PREX2: variants seen among roughly 807,000 people sequenced by gnomAD.
PREX2 encodes phosphatidylinositol 3,4,5-trisphosphate-dependent Rac exchanger 2 protein.
PREX2 carries 107 observed loss-of-function variants against 203.2 expected under a neutral mutation model. That is an observed-to-expected ratio of 0.53 (90% CI 0.45 to 0.62). PREX2 has a LOEUF of 0.62. Ranked by LOEUF, PREX2 falls within the 20% of genes least tolerant of loss-of-function variation. The pLI, the probability that PREX2 is intolerant of heterozygous loss-of-function variation, is 0.00. For synonymous variants in PREX2, 672 were observed against 663.6 expected (o/e 1.01, Z -0.19); for missense variants, 1,777 against 1,955.9 (o/e 0.91, Z 1.72).
chr8:67,973,229 T>A (rs914870886), intron 1 of PREX2, among the ~76,000 whole-genome samples: 2 of 152,184 alleles, frequency 1.3e-5, no homozygotes, highest in Non-Finnish European at 2.9e-5. Flanking sequence ...AGATTAATCT[T>A]CCTAAAAGAA....
At chr8:68,010,589 C>T (rs184585702) in intron 1 of PREX2, among the ~76,000 whole-genome samples, 5 of 152,268 alleles carry the variant, frequency 3.3e-5, no homozygotes, top group African/African-American at 9.6e-5. Context: ...GCTTTCATTA[C>T]CTGCATGTAA....
chr8:68,099,984 A>G (rs754913566), intron 23 of PREX2, 141 bp downstream of exon 23: 50 of 854,560 alleles, frequency 5.9e-5, no homozygotes, highest in Non-Finnish European at 9.8e-5. Flanking sequence ...AACATTTTAG[A>G]GTTTTTGAAA....
chr8:68,116,438 G>T (rs891116360), intron 26 of PREX2, among the ~76,000 whole-genome samples: 1 of 151,972 alleles, frequency 6.6e-6, no homozygotes, highest in African/African-American at 2.4e-5. Flanking sequence ...AGTTTTGTAG[G>T]GCTGCTGTAA....
intron 23 of PREX2, chr8:68,100,334 T>C (rs547054050): frequency 2.6e-6 from 1 of 379,400 alleles, no homozygotes; most frequent in African/African-American, 2.1e-5. Flanking sequence ...TCCAGGAATA[T>C]AGCAGGGAAG....
chr8:68,151,501 A>T (rs1416405162), intron 34 of PREX2, among the ~76,000 whole-genome samples: 1 of 152,092 alleles, frequency 6.6e-6, no homozygotes, highest in Non-Finnish European at 1.5e-5. Context: ...GGCACATACA[A>T]ACCTCGACAG....
Position 68,070,336 on chromosome 8 carries a change from G to A in PREX2, c.1493+452G>A, listed in dbSNP as rs1264733230. Reference sequence around the variant, plus strand: ...ATCTTTTTTCCCAAGAAAAGATTTTGTACTTGGAAATTAAGAATTATTTTG... The same window carrying A: ...ATCTTTTTTCCCAAGAAAAGATTTTATACTTGGAAATTAAGAATTATTTTG... On this transcript the variant is annotated intron_variant, in intron 13 of 39. Coordinates refer to ENST00000288368, the MANE Select transcript of PREX2 (RefSeq NM_024870.4). Among the ~76,000 whole-genome samples, 3 of 151,506 alleles carry A rather than the reference G, an allele frequency of 2.0e-5. No homozygotes were observed. In the East Asian group the frequency reaches 5.8e-4, roughly 29 times the overall value.
At chr8:68,133,492 T>C (rs1811048877) in intron 31 of PREX2, among the ~76,000 whole-genome samples, 1 of 152,222 alleles carries the variant, frequency 6.6e-6, no homozygotes, top group South Asian at 2.1e-4. Context: ...TAGAACATAC[T>C]TATAGCTCAT....
intron 39 of PREX2, among the ~76,000 whole-genome samples, chr8:68,228,218 A>G (rs901659567): frequency 6.6e-6 from 1 of 152,156 alleles, no homozygotes; most frequent in Non-Finnish European, 1.5e-5. Flanking sequence ...CACTGGCTTT[A>G]TTCACAAAAT....
At chr8:68,156,394 C>G (rs376912136) in intron 34 of PREX2, among the ~76,000 whole-genome samples, 3 of 152,172 alleles carry the variant, frequency 2.0e-5, no homozygotes, top group Admixed American at 6.5e-5. Context: ...AGTTCTGCCT[C>G]TCATACATAT....
chr8:67,952,314 C>G lies in PREX2; in HGVS notation c.-81C>G. The G allele has an allele frequency of 8.1e-7, 1 of 1,234,110 alleles. No individual in the cohort carries two copies. Among genetic ancestry groups the G allele is most frequent in the South Asian group, 2.9e-5 (1 of 34,412 alleles). 76.4% of individuals were successfully genotyped at this position (1,234,110 alleles called of 1,614,324 possible). A position where few individuals can be genotyped will look rare whatever the true frequency, so the allele number is the denominator to read the frequency against. ...GGAGGCGGCAACTTTCCATTCTCGCCGCCGGGGGCCGGGCAGCAGCGGGCG... is the reference window on the plus strand; with the variant it reads ...GGAGGCGGCAACTTTCCATTCTCGCGGCCGGGGGCCGGGCAGCAGCGGGCG... On this transcript the variant is annotated 5_prime_UTR_variant, in exon 1 of 40. Transcript: ENST00000288368.
At chr8:68,198,608 C>T (rs192589910) in intron 37 of PREX2, among the ~76,000 whole-genome samples, 2 of 152,264 alleles carry the variant, frequency 1.3e-5, no homozygotes, top group East Asian at 1.9e-4. Flanking sequence ...ATACAGCAAA[C>T]GTTATAAAGC....
At chr8:68,012,976 G>T (rs1807308573) in intron 1 of PREX2, among the ~76,000 whole-genome samples, 5 of 152,186 alleles carry the variant, frequency 3.3e-5, no homozygotes, top group Admixed American at 3.3e-4. Flanking sequence ...ATTCCAAGTT[G>T]CTAATGAATA....
chr8:68,139,305 G>C (rs1194008448), intron 33 of PREX2, among the ~76,000 whole-genome samples: 1 of 152,134 alleles, frequency 6.6e-6, no homozygotes, highest in Non-Finnish European at 1.5e-5. Flanking sequence ...AAAAGGTTGA[G>C]GGAGTAATGG....
chr8:68,196,759 C>T (rs534748002), intron 37 of PREX2, among the ~76,000 whole-genome samples: 14 of 151,884 alleles, frequency 9.2e-5, no homozygotes, highest in Admixed American at 7.2e-4. Flanking sequence ...CTGCTCCAGC[C>T]GTGTAAGAGG....
chr8:68,169,126 T>C (rs1811818374), intron 35 of PREX2, among the ~76,000 whole-genome samples: 1 of 152,152 alleles, frequency 6.6e-6, no homozygotes, highest in South Asian at 2.1e-4. Flanking sequence ...TGCTGAAGTT[T>C]CTTTCCTCTG....
intron 11 of PREX2, among the ~76,000 whole-genome samples, chr8:68,063,889 A>G (rs1319324329): frequency 6.6e-6 from 1 of 152,228 alleles, no homozygotes; most frequent in Non-Finnish European, 1.5e-5. Context: ...TGCTAGTATC[A>G]TTAGTATGAG....
rs892951080 is a variant in PREX2, at chr8:68,002,356, A to G, written c.142-15490A>G. Among the ~76,000 whole-genome samples the G allele has an allele frequency of 5.3e-5, 8 of 152,258 alleles. No individual in the cohort carries two copies. The South Asian group carries it at 6.2e-4, about 12-fold the overall frequency. On this transcript the variant is annotated intron_variant, in intron 1 of 39. Transcript: ENST00000288368. ...GAGATAGTGTTTTGCCATGTTGGCCAGGCTGGTCTTTAACTCCTGACCTCA... is the reference window on the plus strand; with the variant it reads ...GAGATAGTGTTTTGCCATGTTGGCCGGGCTGGTCTTTAACTCCTGACCTCA...
intron 30 of PREX2, 71 bp downstream of exon 30, chr8:68,121,120 G>T (rs1810764319): frequency 1.4e-6 from 2 of 1,463,562 alleles, no homozygotes. Context: ...AAAACCAAAA[G>T]TTTGGTAATG....
chr8:67,952,162 C>A lies in PREX2; in HGVS notation c.-233C>A. On this transcript the variant is annotated 5_prime_UTR_variant, in exon 1 of 40. Transcript: ENST00000288368. ...GCGCGCAGGGCCTGGCCGGAGCCCC[C>A]ACTCCCAGGAGTTTCCTCTGCAGAG... 2 of 357,498 alleles carry A rather than the reference C, an allele frequency of 5.6e-6. No homozygotes were observed. The highest frequency in any genetic ancestry group is 4.9e-6 in the Non-Finnish European group (1 of 204,066). 22.1% of individuals were successfully genotyped at this position (357,498 alleles called of 1,614,324 possible).
Sources: gnomAD v4.1 joint callset for allele counts (sites outside exome capture counted in the v4.1 genomes callset) on GRCh38, gnomAD v4.1.1 for gene constraint, MANE v1.5 for transcripts, NCBI Gene and HGNC (gene_info 2026-07-23, HGNC 2026-07-21) for gene names.